SLC41A2: variants seen among roughly 807,000 people sequenced by gnomAD.
The protein encoded by SLC41A2 is solute carrier family 41 member 2.
SLC41A2 carries 32 observed loss-of-function variants against 58.3 expected under a neutral mutation model. The ratio of observed to expected loss-of-function variants is 0.55; its 90% CI spans 0.41 to 0.74. The LOEUF is 0.74. Among genes scored for constraint, SLC41A2 ranks in the 30% least tolerant of loss-of-function variants. The pLI is 0.00. For synonymous variants in SLC41A2, 190 were observed against 235.0 expected (o/e 0.81, Z 1.75); for missense variants, 514 against 680.6 (o/e 0.76, Z 2.72).
intron 10 of SLC41A2, among the ~76,000 whole-genome samples, chr12:104,807,383 T>C (rs951234481): frequency 5.9e-5 from 9 of 152,184 alleles, no homozygotes; most frequent in African/African-American, 2.2e-4. Flanking sequence ...TGTAGATATG[T>C]GGCATTATTT....
At chr12:104,858,067 A>G (rs904278294) in intron 8 of SLC41A2, among the ~76,000 whole-genome samples, 1 of 152,226 alleles carries the variant, frequency 6.6e-6, no homozygotes, top group African/African-American at 2.4e-5. Context: ...GTAGTAAGCA[A>G]GTTTGTTTAA....
chr12:104,857,409 T>C (rs973237130), intron 8 of SLC41A2, among the ~76,000 whole-genome samples: 7 of 152,212 alleles, frequency 4.6e-5, no homozygotes, highest in African/African-American at 1.4e-4. Context: ...CTGGTGGGAC[T>C]GTAAACTAGT....
rs1397168863 is a variant in SLC41A2, at chr12:104,802,958, C to T, written c.*2194G>A. On this transcript the variant is annotated 3_prime_UTR_variant, in exon 11 of 11. Coordinates refer to ENST00000258538, the MANE Select transcript of SLC41A2 (RefSeq NM_001352171.3). ...TTTGGTCATTTTGCAGCTGTACAAC[C>T]TTAGAAATGTAAGTTCTCTGAATTT... 3 of 152,058 alleles carry T rather than the reference C, an allele frequency of 2.0e-5. No homozygotes were observed. Among genetic ancestry groups the T allele is most frequent in the South Asian group, 2.1e-4 (1 of 4,822 alleles). The allele number at this position is 152,058 out of a possible 1,614,324, so 9.4% of individuals were successfully genotyped here. A position where few individuals can be genotyped will look rare whatever the true frequency, so the allele number is the denominator to read the frequency against.
At chr12:104,866,835 A>G (rs184003684) in intron 6 of SLC41A2, among the ~76,000 whole-genome samples, 170 of 152,254 alleles carry the variant, frequency 1.1e-3, no homozygotes, top group Middle Eastern at 6.8e-3. Flanking sequence ...AAATAGCATA[A>G]TAACAATAAC....
At chr12:104,854,840 G>C (rs1304410008) in intron 8 of SLC41A2, among the ~76,000 whole-genome samples, 2 of 152,152 alleles carry the variant, frequency 1.3e-5, no homozygotes, top group African/African-American at 4.8e-5. Flanking sequence ...GAGGCTGTCA[G>C]TTGTAAGACC....
intron 1 of SLC41A2, among the ~76,000 whole-genome samples, chr12:104,945,198 TAAGAA>T (rs772490994): frequency 1.0e-4 from 15 of 145,922 alleles, no homozygotes; most frequent in African/African-American, 3.3e-4. Context: ...AAATAAAAAG[TAAGAA>T]AAGAAAAGAA....
intron 8 of SLC41A2, among the ~76,000 whole-genome samples, chr12:104,854,085 G>A (rs1055346704): frequency 6.6e-6 from 1 of 151,646 alleles, no homozygotes; most frequent in African/African-American, 2.4e-5. Context: ...TAACAGAGGT[G>A]AAAACTGGTT....
chr12:104,877,057 A>G (rs539566385), intron 6 of SLC41A2, among the ~76,000 whole-genome samples: 1 of 152,356 alleles, frequency 6.6e-6, no homozygotes, highest in Admixed American at 6.5e-5. Context: ...TGAGCACTAT[A>G]TAATACATGG....
rs1430491589 is a variant in SLC41A2 at position 104,909,743 on chromosome 12, T to C, written c.575A>G (p.Lys192Arg). ...GACTAAAATGAAAACTTCTGTAACT[T>C]TTCTGAACACCTCCCAGTGCTGTAA... ...DIVQHWEVFRKVTEVFILVPA... is the reference protein window; with the variant it reads ...DIVQHWEVFRRVTEVFILVPA... Residue 192 changes from lysine to arginine, a missense_variant, in exon 3 of 11, where the codon AAA (lysine) becomes AGA (arginine). Coordinates refer to ENST00000258538, the MANE Select transcript of SLC41A2 (RefSeq NM_001352171.3). The C allele has an allele frequency of 6.2e-7, 1 of 1,607,316 alleles. No homozygotes were observed. Among genetic ancestry groups the C allele is most frequent in the East Asian group, 2.2e-5 (1 of 44,770 alleles).
intron 10 of SLC41A2, among the ~76,000 whole-genome samples, chr12:104,835,429 C>G (rs906440609): frequency 6.6e-6 from 1 of 152,168 alleles, no homozygotes; most frequent in African/African-American, 2.4e-5. Context: ...TTTCATCACT[C>G]CTTTTAACTC....
At position 104,947,194 on chromosome 12, in the gene SLC41A2, CCTTT is replaced by C. The variant is rs1385012080; in HGVS notation, c.-168+10890_-168+10893del. Reference sequence around the variant, plus strand: ...CTGAATTTCTGGCTTTTATTTTTGTCCTTTTTTTTTTTTTTTTTTTTTTTTTTGA... The same window carrying C: ...CTGAATTTCTGGCTTTTATTTTTGTCTTTTTTTTTTTTTTTTTTTTTTTGA... On this transcript the variant is annotated intron_variant, in intron 1 of 10. Transcript: ENST00000258538. Among the ~76,000 whole-genome samples, 69 of 53,672 alleles carry C rather than the reference CCTTT, an allele frequency of 1.3e-3. 7 individuals are homozygous for C. The highest frequency in any genetic ancestry group is 2.3e-3 in the Non-Finnish European group (64 of 28,146). The allele number at this position is 53,672 out of a possible 152,430, so 35.2% of individuals were successfully genotyped here.
chr12:104,830,797 G>C (rs945522037), intron 10 of SLC41A2, among the ~76,000 whole-genome samples: 3 of 152,156 alleles, frequency 2.0e-5, no homozygotes, highest in African/African-American at 7.2e-5. Flanking sequence ...CTACCCATTA[G>C]TTTTCAAATT....
At chr12:104,897,438 C>T (rs1381134668) in intron 3 of SLC41A2, among the ~76,000 whole-genome samples, 1 of 151,962 alleles carries the variant, frequency 6.6e-6, no homozygotes, top group African/African-American at 2.4e-5. Flanking sequence ...AGCCACCACA[C>T]CCAGTGTCAC....
chr12:104,900,122 G>T (rs1297377545), intron 3 of SLC41A2, among the ~76,000 whole-genome samples: 2 of 152,128 alleles, frequency 1.3e-5, no homozygotes, highest in Non-Finnish European at 1.5e-5. Flanking sequence ...GAGATCCAGG[G>T]ATAGGGGAAT....
chr12:104,951,703 A>T (rs2047963324), intron 1 of SLC41A2, among the ~76,000 whole-genome samples: 1 of 151,888 alleles, frequency 6.6e-6, no homozygotes, highest in Non-Finnish European at 1.5e-5. Flanking sequence ...GTAAGAACAA[A>T]ATCTATTTTC....
intron 2 of SLC41A2, among the ~76,000 whole-genome samples, chr12:104,918,692 T>C (rs1038390845): frequency 1.3e-5 from 2 of 149,250 alleles, no homozygotes; most frequent in East Asian, 2.0e-4. Context: ...TAAGGGTGCA[T>C]ACAGCAGAGG....
chr12:104,864,912 T>C (rs1374239657), intron 7 of SLC41A2, among the ~76,000 whole-genome samples: 1 of 151,456 alleles, frequency 6.6e-6, no homozygotes, highest in Non-Finnish European at 1.5e-5. Flanking sequence ...TTGAGTACTA[T>C]TTTTTTTTCC....
chr12:104,887,614 G>A (rs977196660), intron 5 of SLC41A2, among the ~76,000 whole-genome samples: 35 of 151,964 alleles, frequency 2.3e-4, no homozygotes, highest in Non-Finnish European at 4.4e-5. Flanking sequence ...AGATGTAATC[G>A]CTTAGAATCT....
At position 104,907,766 on chromosome 12, in the gene SLC41A2, A is replaced by C. The variant is rs1386117240; in HGVS notation, c.663+1889T>G. Among the ~76,000 whole-genome samples, 4 of 152,340 alleles carry C rather than the reference A, an allele frequency of 2.6e-5. No homozygotes were observed. The South Asian group carries it at 8.3e-4, about 32-fold the overall frequency. On this transcript the variant is annotated intron_variant, in intron 3 of 10. Coordinates refer to ENST00000258538, the MANE Select transcript of SLC41A2 (RefSeq NM_001352171.3). ...CTAAGCCTCAATTCCTACTCTGCAA[A>C]GCAGGATAATAGTGCTTATTCCATA...
Sources: allele counts gnomAD v4.1 joint callset (sites outside exome capture counted in the v4.1 genomes callset), GRCh38; gene constraint gnomAD v4.1.1; transcripts MANE v1.5; gene names NCBI Gene and HGNC (gene_info 2026-07-23, HGNC 2026-07-21).